LNP1: variants seen among roughly 807,000 people sequenced by gnomAD.
LNP1 encodes the protein leukemia NUP98 fusion partner 1.
In LNP1, 12 loss-of-function variants were observed where a neutral mutation model predicts 14.5. That is an observed-to-expected ratio of 0.83 (90% CI 0.53 to 1.34). LNP1 has a LOEUF of 1.34. Among genes scored for constraint, LNP1 ranks in the 40% most tolerant of loss-of-function variants. The pLI, the probability that LNP1 is intolerant of heterozygous loss-of-function variation, is 0.00. For synonymous variants in LNP1, 75 were observed against 71.4 expected (o/e 1.05, Z -0.26); for missense variants, 198 against 210.9 (o/e 0.94, Z 0.38).
chr3:100,420,449 C>G (rs2148901314), intron 1 of LNP1, among the ~76,000 whole-genome samples: 1 of 152,222 alleles, frequency 6.6e-6, no homozygotes, highest in African/African-American at 2.4e-5. Context: ...GTAGCTGGGA[C>G]TACAGGTGCA....
At chr3:100,440,483 A>C (rs997045935) in intron 2 of LNP1, among the ~76,000 whole-genome samples, 1 of 152,176 alleles carries the variant, frequency 6.6e-6, no homozygotes, top group South Asian at 2.1e-4. Context: ...GTAAGGGATG[A>C]TAGTTCCTGT....
intron 2 of LNP1, among the ~76,000 whole-genome samples, chr3:100,440,159 C>T (rs908905623): frequency 1.3e-5 from 2 of 152,202 alleles, no homozygotes; most frequent in African/African-American, 4.8e-5. Flanking sequence ...CAAATTTCCT[C>T]TTCTTGTAAA....
At chr3:100,444,318 A>G (rs1404058672) in intron 2 of LNP1, among the ~76,000 whole-genome samples, 1 of 152,228 alleles carries the variant, frequency 6.6e-6, no homozygotes, top group Non-Finnish European at 1.5e-5. Flanking sequence ...CAATAATTTA[A>G]CCTAACAATT....
At chr3:100,455,638 T>A in intron 3 of LNP1, 139 bp from the exon 4 acceptor site, 1 of 792,046 alleles carries the variant, frequency 1.3e-6, no homozygotes, top group Non-Finnish European at 2.1e-6. Flanking sequence ...CTTAGGTTTA[T>A]GCTAATTTAT....
chr3:100,419,293 G>A (rs1449711441), intron 1 of LNP1, among the ~76,000 whole-genome samples: 1 of 152,078 alleles, frequency 6.6e-6, no homozygotes, highest in Non-Finnish European at 1.5e-5. Flanking sequence ...CTTGATATAA[G>A]TCATTTTTCT....
intron 2 of LNP1, among the ~76,000 whole-genome samples, chr3:100,439,450 C>T (rs1225576229): frequency 6.6e-6 from 1 of 152,134 alleles, no homozygotes; most frequent in Non-Finnish European, 1.5e-5. Context: ...CCCAGCACCA[C>T]TATGCCAGCA....
At position 100,456,042 on chromosome 3, in the gene LNP1, A is replaced by G. The variant is rs72943219; in HGVS notation, c.*116A>G. ...GGGGTTGGGGGTAAAAACAGCTATA[A>G]AAAGCAACTGCAGATGCTGACTGAC... On this transcript the variant is annotated 3_prime_UTR_variant, in exon 4 of 4. Transcript: ENST00000383693. 10,444 of 1,100,746 alleles carry G rather than the reference A, an allele frequency of 9.5e-3. 570 individuals are homozygous for G. In the African/African-American group the frequency reaches 0.13, roughly 14 times the overall value. The allele number at this position is 1,100,746 out of a possible 1,614,324, so 68.2% of individuals were successfully genotyped here. A position where few individuals can be genotyped will look rare whatever the true frequency, so the allele number is the denominator to read the frequency against.
intron 1 of LNP1, among the ~76,000 whole-genome samples, chr3:100,423,673 A>AT (rs372790449): frequency 2.9e-4 from 43 of 150,282 alleles, no homozygotes; most frequent in African/African-American, 7.8e-4. Context: ...AAGAGAAGGT[A>AT]TTTTTTTTTT....
intron 1 of LNP1, among the ~76,000 whole-genome samples, chr3:100,414,474 G>C (rs551230984): frequency 6.6e-6 from 1 of 151,956 alleles, no homozygotes; most frequent in Non-Finnish European, 1.5e-5. Flanking sequence ...TTGAACCTGG[G>C]AGGCAGAGGT....
intron 2 of LNP1, among the ~76,000 whole-genome samples, chr3:100,430,361 G>A (rs1324874776): frequency 6.6e-6 from 1 of 152,202 alleles, no homozygotes; most frequent in Non-Finnish European, 1.5e-5. Context: ...CTTCCAGGGA[G>A]TCCATTTGGT....
intron 1 of LNP1, among the ~76,000 whole-genome samples, chr3:100,418,099 G>A (rs1415754812): frequency 1.5e-5 from 2 of 134,448 alleles, no homozygotes; most frequent in South Asian, 2.3e-4. Context: ...TCACTCTGTC[G>A]CCCTGGCTGG....
chr3:100,432,000 A>G (rs1707247175), intron 2 of LNP1, among the ~76,000 whole-genome samples: 1 of 4,234 alleles, frequency 2.4e-4, no homozygotes, highest in Middle Eastern at 0.1. Flanking sequence ...GTTTATATAT[A>G]TATATATATA....
intron 2 of LNP1, among the ~76,000 whole-genome samples, chr3:100,443,934 AC>A (rs1159377202): frequency 7.9e-5 from 12 of 152,322 alleles, no homozygotes; most frequent in Admixed American, 6.5e-4. Context: ...AGTTGTTAAA[AC>A]CTATTGTAAA....
intron 2 of LNP1, among the ~76,000 whole-genome samples, chr3:100,449,435 G>C (rs549952717): frequency 1.3e-4 from 20 of 152,220 alleles, no homozygotes; most frequent in African/African-American, 4.6e-4. Flanking sequence ...GGAAAAACAG[G>C]TTTCTCCCCC....
chr3:100,416,946 C>G (rs1707090506), intron 1 of LNP1, among the ~76,000 whole-genome samples: 1 of 151,936 alleles, frequency 6.6e-6, no homozygotes. Flanking sequence ...TTGACCTGTC[C>G]CATTCAAATT....
chr3:100,436,622 T>G (rs1224779316), intron 2 of LNP1, among the ~76,000 whole-genome samples: 2 of 152,200 alleles, frequency 1.3e-5, no homozygotes, highest in Non-Finnish European at 2.9e-5. Flanking sequence ...TTCTCTTTAC[T>G]TCATTGTCTT....
chr3:100,413,802 T>C (rs1378394187), intron 1 of LNP1, among the ~76,000 whole-genome samples: 1 of 152,182 alleles, frequency 6.6e-6, no homozygotes, highest in African/African-American at 2.4e-5. Flanking sequence ...TGCTGGTCCA[T>C]TACTAAGTGA....
chr3:100,412,501 C>G (rs1707039930), intron 1 of LNP1, among the ~76,000 whole-genome samples: 1 of 152,168 alleles, frequency 6.6e-6, no homozygotes, highest in Admixed American at 6.5e-5. Flanking sequence ...CATGCTTCCC[C>G]TAAACTCCCA....
chr3:100,432,448 GC>G (rs933616429), intron 2 of LNP1, among the ~76,000 whole-genome samples: 21 of 152,262 alleles, frequency 1.4e-4, no homozygotes, highest in African/African-American at 4.6e-4. Flanking sequence ...AAGAAGACAT[GC>G]CCAGTCCCCA....
Sources: allele counts gnomAD v4.1 joint callset (sites outside exome capture counted in the v4.1 genomes callset), GRCh38; gene constraint gnomAD v4.1.1; transcripts MANE v1.5; gene names NCBI Gene and HGNC (gene_info 2026-07-23, HGNC 2026-07-21).